NOA1: variants seen among roughly 807,000 people sequenced by gnomAD.
The protein encoded by NOA1 is nitric oxide associated 1, also known as nitric oxide-associated protein 1.
NOA1 carries 35 observed loss-of-function variants against 58.4 expected under a neutral mutation model. The ratio of observed to expected loss-of-function variants is 0.60; its 90% CI spans 0.46 to 0.79. The LOEUF (loss-of-function observed/expected upper bound fraction) is 0.79, where lower values mean the gene tolerates loss of function less well. Among genes scored for constraint, NOA1 ranks in the 30% least tolerant of loss-of-function variants. The pLI is 0.00. For synonymous variants in NOA1, 397 were observed against 373.4 expected (o/e 1.06, Z -0.73); for missense variants, 895 against 894.6 (o/e 1.00, Z -0.01).
At chr4:56,974,462 G>A (rs1721862527) in intron 1 of NOA1, among the ~76,000 whole-genome samples, 1 of 152,088 alleles carries the variant, frequency 6.6e-6, no homozygotes, top group Non-Finnish European at 1.5e-5. Flanking sequence ...GACCTGCCTT[G>A]CCAACATGGT....
At position 56,977,330 on chromosome 4, in the gene NOA1, T is replaced by C. The variant is rs3733307; in HGVS notation, c.256A>G (p.Thr86Ala). 1 of 1,614,050 alleles carries C rather than the reference T, an allele frequency of 6.2e-7. No individual in the cohort carries two copies. Among genetic ancestry groups the C allele is most frequent in the Admixed American group, 1.7e-5 (1 of 60,018 alleles). ...AGCTCCTGCAGCTGCTTTTCGCGGG[T>C]GGGTTGCGGCTCCGGATCCAGGATG... ...EYILDPEPQP[T>A]REKQLQELQQ... The change falls in exon 1 of 7, where the codon ACC (threonine) becomes GCC (alanine). Residue 86 changes from threonine to alanine, a missense_variant. Physicochemically the swap from Thr to Ala is moderately conservative, Grantham distance 58. Coordinates refer to ENST00000264230, the MANE Select transcript of NOA1 (RefSeq NM_032313.4).
rs531624777 is a variant in NOA1, at chr4:56,963,534, G to T, written c.2013C>A (p.Ile671=). Residue 671 remains isoleucine, a synonymous_variant, in exon 7 of 7, where the codon ATC becomes ATA. Coordinates refer to ENST00000264230, the MANE Select transcript of NOA1 (RefSeq NM_032313.4). ...TGGTTTTATAGGCCACACTTTTCTTGATGCGCTGTCCTTTGATGTTAACAA... is the reference window on the plus strand; with the variant it reads ...TGGTTTTATAGGCCACACTTTTCTTTATGCGCTGTCCTTTGATGTTAACAA... ...PYIVNIKGQR[I]KKSVAYKTKK... 1.2e-6 allele frequency: 2 copies of T among 1,614,042 alleles called. No individual in the cohort carries two copies. Among genetic ancestry groups the T allele is most frequent in the African/African-American group, 1.3e-5 (1 of 74,986 alleles).
chr4:56,966,668 G>A lies in NOA1; in HGVS notation c.1716C>T (p.Asp572=). The change falls in exon 5 of 7, where the codon GAC becomes GAT. Residue 572 remains aspartate (D), a synonymous_variant. Coordinates refer to ENST00000264230, the MANE Select transcript of NOA1 (RefSeq NM_032313.4). ...NILPVHITSL[D]RADALYQKHA... ...GCTTCTGATACAGAGCGTCTGCCCT[G>A]TCCAAGGAGGTGATATGCACAGGGA... 3.1e-6 allele frequency: 5 copies of A among 1,613,970 alleles called. No individual in the cohort carries two copies. The highest frequency in any genetic ancestry group is 3.4e-6 in the Non-Finnish European group (4 of 1,179,830).
Position 56,977,577 on chromosome 4 carries a change from G to A in NOA1, c.9C>T (p.Pro3=). ...TCAGCAGCCTGAACGGTAGGCGAGCGGGCAGCATGAGGAAGTAGCTCCAAA... is the reference window on the plus strand; with the variant it reads ...TCAGCAGCCTGAACGGTAGGCGAGCAGGCAGCATGAGGAAGTAGCTCCAAA... ML[P]ARLPFRLLSL... Residue 3 remains proline, a synonymous_variant, in exon 1 of 7, where the codon CCC becomes CCT. Transcript: ENST00000264230. 5 of 1,584,798 alleles carry A rather than the reference G, an allele frequency of 3.2e-6. No homozygotes were observed. The highest frequency in any genetic ancestry group is 3.4e-6 in the Non-Finnish European group (4 of 1,164,408).
At chr4:56,968,941 G>A (rs534102952) in intron 3 of NOA1, among the ~76,000 whole-genome samples, 1 of 152,306 alleles carries the variant, frequency 6.6e-6, no homozygotes, top group East Asian at 1.9e-4. Context: ...AAGTATGCAT[G>A]CATTAAATGC....
chr4:56,976,991 C>G lies in NOA1; in HGVS notation c.595G>C (p.Glu199Gln), dbSNP rs1198265983. The change falls in exon 1 of 7, where the codon GAG (glutamate) becomes CAG (glutamine). Residue 199 changes from glutamate (E) to glutamine (Q), a missense_variant. By Grantham distance (29) the Glu-to-Gln change is conservative (BLOSUM62 2). Transcript: ENST00000264230. ...GCGCTCACCAGCTCCAGGTACTGCTCGCGGCTCACCTGCAGGCGTAGAGCG... is the reference window on the plus strand; with the variant it reads ...GCGCTCACCAGCTCCAGGTACTGCTGGCGGCTCACCTGCAGGCGTAGAGCG... ...RRALRLQVSREQYLELVSAAL... is the reference protein window; with the variant it reads ...RRALRLQVSRQQYLELVSAAL... 1.9e-6 allele frequency: 3 copies of G among 1,594,762 alleles called. No homozygotes were observed. The East Asian group carries it at 6.7e-5, about 36-fold the overall frequency.
chr4:56,972,869 T>C (rs190221671), intron 3 of NOA1, among the ~76,000 whole-genome samples: 23 of 152,336 alleles, frequency 1.5e-4, no homozygotes, highest in Admixed American at 1.2e-3. Context: ...CTTTCATGAA[T>C]GAATCAGAAC....
At chr4:56,972,102 G>A (rs1485017896) in intron 3 of NOA1, among the ~76,000 whole-genome samples, 1 of 152,148 alleles carries the variant, frequency 6.6e-6, no homozygotes, top group Non-Finnish European at 1.5e-5. Flanking sequence ...TAGCCCAGAT[G>A]GTCTCGATCT....
chr4:56,973,093 A>G, intron 3 of NOA1, 55 bp downstream of exon 3: 1 of 1,498,662 alleles, frequency 6.7e-7, no homozygotes, highest in South Asian at 1.1e-5. Flanking sequence ...GGCAATATAA[A>G]CCCATTAAAA....
In NOA1 at chr4:56,977,234, G is replaced by C. The variant is rs750691042; in HGVS notation, c.352C>G (p.Arg118Gly). 5.0e-6 allele frequency: 8 copies of C among 1,592,494 alleles called. No individual in the cohort carries two copies. In the Admixed American group the frequency reaches 1.1e-4, roughly 21 times the overall value. Residue 118 changes from arginine to glycine, a missense_variant, in exon 1 of 7, where the codon CGG becomes GGG. By Grantham distance (125) the Arg-to-Gly change is moderately radical (BLOSUM62 -2). Coordinates refer to ENST00000264230, the MANE Select transcript of NOA1 (RefSeq NM_032313.4). The stretch of plus-strand genomic sequence containing the variant: ...ACCGGGTGCTCCCGGGACCTGGCCC[G>C]TAGGTTTTGCTGTCGCCGCTCCTCC... Reference protein sequence around the residue: ...RREERRQQNLRARSREHPVVG... With the variant: ...RREERRQQNLGARSREHPVVG...
chr4:56,968,407 T>C lies in NOA1; in HGVS notation c.1624A>G (p.Ile542Val), dbSNP rs1460502331. The C allele has an allele frequency of 6.2e-7, 1 of 1,612,796 alleles. No homozygotes were observed. The change falls in exon 4 of 7, where the codon ATA becomes GTA. Residue 542 changes from isoleucine (I) to valine (V), a missense_variant. Physicochemically the swap from Ile to Val is conservative, Grantham distance 29. Coordinates refer to ENST00000264230, the MANE Select transcript of NOA1 (RefSeq NM_032313.4). ...KPGMVLFLGA[I>V]GRIDFLQGNQ... ...ACCTGCAGGAAATCTATGCGGCCTA[T>C]AGCACCCAAAAACAGAACCATTCCT...
rs764151864 is a variant in NOA1 at position 56,963,373 on chromosome 4, C to T, written c.*77G>A. On this transcript the variant is annotated 3_prime_UTR_variant, in exon 7 of 7. Coordinates refer to ENST00000264230, the MANE Select transcript of NOA1 (RefSeq NM_032313.4). Reference sequence around the variant, plus strand: ...GGTAAGAATGGGAGCTTTATTTATGCGTTATATGTTTAATACAAATTCAAT... The same window carrying T: ...GGTAAGAATGGGAGCTTTATTTATGTGTTATATGTTTAATACAAATTCAAT... 23 of 1,176,428 alleles carry T rather than the reference C, an allele frequency of 2.0e-5. No individual in the cohort carries two copies. Among genetic ancestry groups the T allele is most frequent in the Non-Finnish European group, 2.7e-5 (22 of 807,528 alleles). 72.9% of individuals were successfully genotyped at this position (1,176,428 alleles called of 1,614,324 possible).
intron 6 of NOA1, among the ~76,000 whole-genome samples, chr4:56,964,085 G>A (rs1373135663): frequency 7.8e-6 from 1 of 127,762 alleles, no homozygotes; most frequent in Admixed American, 8.1e-5. Flanking sequence ...TTTTTTTTTT[G>A]AGATGGAGTT....
At chr4:56,974,825 C>T (rs1263302574) in intron 1 of NOA1, among the ~76,000 whole-genome samples, 2 of 151,894 alleles carry the variant, frequency 1.3e-5, no homozygotes, top group Non-Finnish European at 2.9e-5. Context: ...CCTCAGCCTC[C>T]TGAGTAGCTG....
At chr4:56,967,856 TA>T (rs1721743302) in intron 4 of NOA1, among the ~76,000 whole-genome samples, 1 of 151,898 alleles carries the variant, frequency 6.6e-6, no homozygotes, top group African/African-American at 2.4e-5. Context: ...ATTGAAAACG[TA>T]AGTTTTCAAG....
intron 5 of NOA1, among the ~76,000 whole-genome samples, chr4:56,966,242 G>C (rs1429727132): frequency 6.6e-6 from 1 of 152,006 alleles, no homozygotes; most frequent in Non-Finnish European, 1.5e-5. Context: ...GGCCAGGCTG[G>C]TCTTGAACTC....
chr4:56,964,047 G>A (rs41344750), intron 6 of NOA1, among the ~76,000 whole-genome samples: 11,749 of 151,688 alleles, frequency 0.077, 521 homozygotes, highest in African/African-American at 0.096. Context: ...AAAAATTGTC[G>A]GTAAGGCTGC....
At chr4:56,965,693 G>GGTGT (rs10548713) in intron 5 of NOA1, among the ~76,000 whole-genome samples, 25,409 of 148,794 alleles carry the variant, frequency 0.17, 2,234 homozygotes, top group Non-Finnish European at 0.2. Flanking sequence ...TCCAAAGTAT[G>GGTGT]GTGTGTGTGT....
At chr4:56,966,989 G>A (rs1342826208) in intron 4 of NOA1, among the ~76,000 whole-genome samples, 1 of 152,034 alleles carries the variant, frequency 6.6e-6, no homozygotes, top group African/African-American at 2.4e-5. Context: ...TTTGAAAAAA[G>A]TCTATTATTA....
Sources: allele counts gnomAD v4.1 joint callset (sites outside exome capture counted in the v4.1 genomes callset), GRCh38; gene constraint gnomAD v4.1.1; transcripts MANE v1.5; gene names NCBI Gene and HGNC (gene_info 2026-07-23, HGNC 2026-07-21).